The following DEPDC4 variants were observed in gnomAD, a reference collection of about 807,000 sequenced individuals.
The protein encoded by DEPDC4 is DEP domain-containing protein 4.
DEPDC4 carries 52 observed loss-of-function variants against 52.0 expected under a neutral mutation model. That is an observed-to-expected ratio of 1.00 (90% CI 0.80 to 1.26). The LOEUF is 1.26. Among genes scored for constraint, DEPDC4 ranks in the 50% most tolerant of loss-of-function variants. The pLI is 0.00. For synonymous variants in DEPDC4, 201 were observed against 196.8 expected (o/e 1.02, Z -0.18); for missense variants, 530 against 546.9 (o/e 0.97, Z 0.31).
At position 100,256,063 on chromosome 12, in the gene DEPDC4, G is replaced by A; in HGVS notation, c.864C>T (p.Ser288=). 1 of 1,603,322 alleles carries A rather than the reference G, an allele frequency of 6.2e-7. No individual in the cohort carries two copies. The highest frequency in any genetic ancestry group is 8.5e-7 in the Non-Finnish European group (1 of 1,174,700). ...TGGTCACTTACTCAGGTAGACATAAGCTTGGAATAAGTTCTCTGTCTAGGC... is the reference window on the plus strand; with the variant it reads ...TGGTCACTTACTCAGGTAGACATAAACTTGGAATAAGTTCTCTGTCTAGGC... ...NTCLDRELIP[S]LCLPEIDNWL... is the part of the protein sequence containing the mutation. Residue 288 remains serine (S), a synonymous_variant, in exon 4 of 10, where the codon AGC becomes AGT. Transcript: ENST00000550587.
upstream of DEPDC4, chr12:100,267,772 T>C (rs1425934987): frequency 6.6e-6 from 1 of 152,104 alleles, no homozygotes; most frequent in African/African-American, 2.4e-5. Flanking sequence ...TCGGGGACAT[T>C]GGACACTACT....
upstream of DEPDC4, chr12:100,267,322 G>T: frequency 4.4e-6 from 2 of 449,852 alleles, no homozygotes; most frequent in South Asian, 3.5e-5. Flanking sequence ...GGCAGAGCAG[G>T]AACAGCCAGG....
At chr12:100,252,931 T>C (rs1176947098) in intron 5 of DEPDC4, among the ~76,000 whole-genome samples, 1 of 152,224 alleles carries the variant, frequency 6.6e-6, no homozygotes, top group Non-Finnish European at 1.5e-5. Context: ...TCTTTCTTTT[T>C]ATTTTGAGAC....
chr12:100,260,102 T>C (rs981163944), intron 3 of DEPDC4, among the ~76,000 whole-genome samples: 6 of 151,962 alleles, frequency 3.9e-5, no homozygotes, highest in Non-Finnish European at 8.8e-5. Flanking sequence ...TAAGTGGAAA[T>C]TATTCTTATT....
chr12:100,237,965 T>C (rs2096144318), downstream of DEPDC4: 1 of 513,694 alleles, frequency 1.9e-6, no homozygotes. Flanking sequence ...AGCAAATCCC[T>C]ACCTGATTCA....
rs569915544 is a variant in DEPDC4 at position 100,244,467 on chromosome 12, C to A, written c.1454-1898G>T. ...AAGTGCTGGGATTACAGTCATGAGCCACAGCATCCGGCCTATTTTATGTTT... is the reference window on the plus strand; with the variant it reads ...AAGTGCTGGGATTACAGTCATGAGCAACAGCATCCGGCCTATTTTATGTTT... On this transcript the variant is annotated intron_variant, in intron 8 of 9. Transcript: ENST00000550587. Among the ~76,000 whole-genome samples the A allele has an allele frequency of 6.2e-3, 937 of 151,854 alleles. 9 individuals carry two copies. Among genetic ancestry groups the A allele is most frequent in the African/African-American group, 0.021 (883 of 41,398 alleles).
chr12:100,263,793 T>A lies in DEPDC4; in HGVS notation c.258A>T (p.Thr86=). 1 of 1,614,188 alleles carries A rather than the reference T, an allele frequency of 6.2e-7. No homozygotes were observed. Among genetic ancestry groups the A allele is most frequent in the South Asian group, 1.1e-5 (1 of 91,088 alleles). The part of the protein sequence containing the change: ...EIKRRRHHLQ[T]YKDCFTGSDA... ...CAGAACCAGTGAAACAGTCTTTGTA[T>A]GTCTGTAAATGATGCCTCCTTCTTT... The change falls in exon 2 of 10, where the codon ACA becomes ACT. Residue 86 remains threonine (T), a synonymous_variant. Coordinates refer to ENST00000550587, the MANE Select transcript of DEPDC4 (RefSeq NM_001364818.2).
chr12:100,265,520 A>G (rs1292320392), intron 1 of DEPDC4, among the ~76,000 whole-genome samples: 1 of 152,120 alleles, frequency 6.6e-6, no homozygotes, highest in Non-Finnish European at 1.5e-5. Context: ...TGCTAGAACC[A>G]GGAGGTGGAG....
At chr12:100,273,400 GT>G in the DEPDC4 span, among the ~76,000 whole-genome samples, 1 of 152,058 alleles carries the variant, frequency 6.6e-6, no homozygotes, top group African/African-American at 2.4e-5. Context: ...CTGTAGGCTA[GT>G]GCTGTGGTGG....
At chr12:100,256,027 G>A (rs980387153) in intron 4 of DEPDC4, 22 bp downstream of exon 4, 9 of 1,549,742 alleles carry the variant, frequency 5.8e-6, no homozygotes, top group Non-Finnish European at 7.9e-6. Context: ...CAAATTATTT[G>A]ACAATAAAAA....
rs1032440542 is a variant in DEPDC4, at chr12:100,241,540, T to C, written c.*352A>G. On this transcript the variant is annotated 3_prime_UTR_variant, in exon 10 of 10. Coordinates refer to ENST00000550587, the MANE Select transcript of DEPDC4 (RefSeq NM_001364818.2). ...TAATAGGACCCCTGTCTCTACAAAA[T>C]AAAAATAAAAAATAAAACACTTAAA... is the stretch of plus-strand genomic sequence containing the variant. 2 of 614,326 alleles carry C rather than the reference T, an allele frequency of 3.3e-6. No individual in the cohort carries two copies. Among genetic ancestry groups the C allele is most frequent in the Admixed American group, 5.2e-5 (1 of 19,328 alleles). 38.1% of individuals were successfully genotyped at this position (614,326 alleles called of 1,614,324 possible).
chr12:100,263,896 G>A lies in DEPDC4; in HGVS notation c.158-3C>T. 1 of 1,575,946 alleles carries A rather than the reference G, an allele frequency of 6.3e-7. No individual in the cohort carries two copies. Among genetic ancestry groups the A allele is most frequent in the Non-Finnish European group, 8.6e-7 (1 of 1,163,048 alleles). On this transcript the variant is annotated splice_region_variant and splice_polypyrimidine_tract_variant and intron_variant, in intron 1 of 9. Transcript: ENST00000550587. ...AGCTTGAAAAGGACCAGAGCATCCT[G>A]AAAAAAATTAAATATGCATTTCTAA...
In DEPDC4 at chr12:100,252,231, A is replaced by G; in HGVS notation, c.1319T>C (p.Val440Ala). Residue 440 changes from valine (V) to alanine (A), a missense_variant, in exon 7 of 10, where the codon GTG becomes GCG. Val to Ala is a moderately conservative substitution (Grantham distance 64). Coordinates refer to ENST00000550587, the MANE Select transcript of DEPDC4 (RefSeq NM_001364818.2). The part of the protein sequence containing the change: ...SVLQAKSLLK[V>A]RAEQLVWFPL... ...AAACCAGACCAGTTGTTCTGCCCGC[A>G]CTTTTAATAATGATTTGGCTTGCAA... 7.5e-7 allele frequency: 1 copy of G among 1,330,564 alleles called. No homozygotes were observed. The allele number at this position is 1,330,564 out of a possible 1,614,324, so 82.4% of individuals were successfully genotyped here.
At chr12:100,239,726 G>C (rs2096151280), downstream of DEPDC4, among the ~76,000 whole-genome samples, 1 of 151,316 alleles carries the variant, frequency 6.6e-6, no homozygotes, top group Non-Finnish European at 1.5e-5. Context: ...GGGTCTTGCT[G>C]TGTTGCCCAG....
At chr12:100,280,159 T>G in the DEPDC4 span, among the ~76,000 whole-genome samples, 55 of 152,348 alleles carry the variant, frequency 3.6e-4, no homozygotes, top group African/African-American at 1.3e-3. Context: ...ATACATTTTG[T>G]TCAGTTTTCT....
chr12:100,249,910 T>C (rs2096200754), intron 7 of DEPDC4, among the ~76,000 whole-genome samples: 1 of 152,074 alleles, frequency 6.6e-6, no homozygotes. Flanking sequence ...AAATACATAA[T>C]ACATATAATC....
In DEPDC4 at chr12:100,248,977, G is replaced by A. The variant is rs2096196920; in HGVS notation, c.1376C>T (p.Thr459Ile). The change falls in exon 8 of 10, where the codon ACA becomes ATA. Residue 459 changes from threonine to isoleucine, a missense_variant and splice_region_variant. Thr to Ile is a moderately conservative substitution (Grantham distance 89, BLOSUM62 -1). Transcript: ENST00000550587. ...AACCAGATCCAATAAAGTAACTGGT[G>A]TCTACACAAAACAGGTATTTTCAAA... The part of the protein sequence containing the change: ...PLEYHSELFK[T>I]PVTLLDLVSK... The A allele has an allele frequency of 6.1e-6, 6 of 977,632 alleles. No individual in the cohort carries two copies. The highest frequency in any genetic ancestry group is 7.3e-6 in the Non-Finnish European group (6 of 822,670). The allele number at this position is 977,632 out of a possible 1,614,324, so 60.6% of individuals were successfully genotyped here.
downstream of DEPDC4, among the ~76,000 whole-genome samples, chr12:100,235,065 G>A (rs201158547): frequency 1.8e-3 from 267 of 149,682 alleles, 1 homozygote; most frequent in Admixed American, 6.6e-3. Flanking sequence ...GTATGTGTGT[G>A]TATATATATA....
At chr12:100,266,121 A>C (rs998185472) in intron 1 of DEPDC4, among the ~76,000 whole-genome samples, 3 of 152,160 alleles carry the variant, frequency 2.0e-5, no homozygotes, top group Non-Finnish European at 4.4e-5. Flanking sequence ...TGATAAGGGA[A>C]TAACTTAGAA....
Sources: gnomAD v4.1 joint callset for allele counts (sites outside exome capture counted in the v4.1 genomes callset) on GRCh38, gnomAD v4.1.1 for gene constraint, MANE v1.5 for transcripts, NCBI Gene and HGNC (gene_info 2026-07-23, HGNC 2026-07-21) for gene names.